The following PRKN variants were observed in gnomAD, a reference collection of about 807,000 sequenced individuals.
The protein encoded by PRKN is E3 ubiquitin-protein ligase parkin.
A neutral mutation model predicts 59.5 loss-of-function variants in PRKN; 56 were observed. The observed-to-expected ratio is 0.94, with a 90% confidence interval of 0.76 to 1.18. The LOEUF is 1.18. PRKN is among the 50% of genes most tolerant of loss of function. PRKN has a pLI of 0.00. For missense variants in PRKN, 657 were observed against 596.4 expected, an observed-to-expected ratio of 1.10 and a Z score of -1.06; for synonymous variants, 250 against 222.1, an observed-to-expected ratio of 1.13 and a Z score of -1.12.
intron 7 of PRKN, among the ~76,000 whole-genome samples, chr6:161,674,293 A>G (rs1470095774): frequency 5.3e-5 from 8 of 152,074 alleles, no homozygotes; most frequent in Admixed American, 5.2e-4. Flanking sequence ...GCTTTGCTGT[A>G]TAATTGTTTT....
intron 10 of PRKN, among the ~76,000 whole-genome samples, chr6:161,368,672 T>C (rs1385975894): frequency 7.7e-6 from 1 of 130,710 alleles, no homozygotes. Context: ...TGCCCTCCAC[T>C]TGCCTGCTTC....
intron 7 of PRKN, among the ~76,000 whole-genome samples, chr6:161,771,199 A>G (rs1278362137): frequency 6.6e-6 from 1 of 151,824 alleles, no homozygotes; most frequent in Admixed American, 6.6e-5. Context: ...TACTAAAAAT[A>G]TAAAAAATTA....
rs192663471 is a variant in PRKN at position 161,860,423 on chromosome 6, T to C, written c.735-74515A>G. Among the ~76,000 whole-genome samples the C allele has an allele frequency of 5.1e-3, 779 of 152,288 alleles. 28 individuals are homozygous for C. The highest frequency in any genetic ancestry group is 0.047 in the Admixed American group (718 of 15,290). On this transcript the variant is annotated intron_variant, in intron 6 of 11. Coordinates refer to ENST00000366898, the MANE Select transcript of PRKN (RefSeq NM_004562.3). ...AAAGGACTTGAAAAGGAAATTAATA[T>C]CCCACTTAAATCTTCTTTTTCAACA...
chr6:162,506,619 G>A (rs938870898), intron 1 of PRKN, among the ~76,000 whole-genome samples: 5 of 152,198 alleles, frequency 3.3e-5, no homozygotes, highest in African/African-American at 4.8e-5. Flanking sequence ...TTAGGAAGAG[G>A]TGGGATAAAA....
At chr6:162,718,367 C>T (rs1342105851) in intron 1 of PRKN, among the ~76,000 whole-genome samples, 1 of 152,110 alleles carries the variant, frequency 6.6e-6, no homozygotes, top group African/African-American at 2.4e-5. Context: ...ATTGTGACAA[C>T]TATGTCTTGA....
chr6:161,837,158 C>G (rs6939636), intron 6 of PRKN, among the ~76,000 whole-genome samples: 6,987 of 152,010 alleles, frequency 0.046, 214 homozygotes, highest in Middle Eastern at 0.099. Context: ...GCCTCCTCCC[C>G]CCTCATCAAT....
intron 5 of PRKN, among the ~76,000 whole-genome samples, chr6:161,988,091 C>T (rs1236171170): frequency 6.6e-6 from 1 of 152,112 alleles, no homozygotes; most frequent in African/African-American, 2.4e-5. Flanking sequence ...CAGCTCATGC[C>T]CCCACCAGGA....
intron 9 of PRKN, among the ~76,000 whole-genome samples, chr6:161,438,805 G>C (rs899840117): frequency 1.3e-5 from 2 of 152,108 alleles, no homozygotes; most frequent in African/African-American, 4.8e-5. Context: ...TTGTAAATTG[G>C]CTTAGGAAAA....
At chr6:162,663,959 T>G (rs932995646) in intron 1 of PRKN, among the ~76,000 whole-genome samples, 2 of 151,980 alleles carry the variant, frequency 1.3e-5, no homozygotes, top group Non-Finnish European at 2.9e-5. Context: ...GTGCAGAACA[T>G]GCAGGTATAC....
chr6:161,746,078 TG>T (rs1788400988), intron 7 of PRKN, among the ~76,000 whole-genome samples: 1 of 152,198 alleles, frequency 6.6e-6, no homozygotes, highest in Non-Finnish European at 1.5e-5. Flanking sequence ...GGCAGGTTTG[TG>T]GGTACAGCAC....
rs554023164 is a variant in PRKN at position 162,453,635 on chromosome 6, G to A, written c.8-10162C>T. On this transcript the variant is annotated intron_variant, in intron 1 of 11. Coordinates refer to ENST00000366898, the MANE Select transcript of PRKN (RefSeq NM_004562.3). Reference sequence around the variant, plus strand: ...TAATAGTATCTGGCCAGACACGGTGGCTCACACCTGTAATCCCAGAAGTTT... The same window carrying A: ...TAATAGTATCTGGCCAGACACGGTGACTCACACCTGTAATCCCAGAAGTTT... Among the ~76,000 whole-genome samples, 9 of 152,240 alleles carry A rather than the reference G, an allele frequency of 5.9e-5. 1 individual carries two copies. In the South Asian group the frequency reaches 1.9e-3, roughly 32 times the overall value.
chr6:161,828,506 C>G (rs1181203139), intron 6 of PRKN, among the ~76,000 whole-genome samples: 1 of 152,188 alleles, frequency 6.6e-6, no homozygotes, highest in African/African-American at 2.4e-5. Flanking sequence ...CCTCACGCCA[C>G]TGTGCTTCTG....
chr6:162,710,414 C>CACACACACACACACA (rs759309558), intron 1 of PRKN, among the ~76,000 whole-genome samples: 2 of 149,986 alleles, frequency 1.3e-5, no homozygotes, highest in African/African-American at 5.0e-5. Flanking sequence ...CACACACACA[C>CACACACACACACACA]AACTGTTTGG....
In PRKN at chr6:161,498,146, T is replaced by C. The variant is rs898752740; in HGVS notation, c.1083+50708A>G. 1.3e-4 allele frequency among the ~76,000 whole-genome samples: 20 copies of C among 152,324 alleles called. No individual in the cohort carries two copies. The highest frequency in any genetic ancestry group is 1.3e-4 in the Admixed American group (2 of 15,304). On this transcript the variant is annotated intron_variant, in intron 9 of 11. Coordinates refer to ENST00000366898, the MANE Select transcript of PRKN (RefSeq NM_004562.3). The surrounding 1 kb of genome is among the most constrained non-coding windows in gnomAD (Gnocchi z 4.2). ...CACATGTGGGAAAAAAGACAAATTA[T>C]TGTTAATCAATTTCTAACCTATACT...
At chr6:162,341,378 A>T (rs1784170624) in intron 2 of PRKN, among the ~76,000 whole-genome samples, 2 of 152,126 alleles carry the variant, frequency 1.3e-5, no homozygotes, top group South Asian at 4.2e-4. Flanking sequence ...AATCAGAAAT[A>T]CCATTTGACC....
intron 2 of PRKN, among the ~76,000 whole-genome samples, chr6:162,328,571 G>A (rs978159806): frequency 6.6e-6 from 1 of 152,170 alleles, no homozygotes; most frequent in Non-Finnish European, 1.5e-5. Flanking sequence ...AAAAGAGACC[G>A]GTAAATAAAG....
At chr6:162,521,382 T>C (rs1022475328) in intron 1 of PRKN, among the ~76,000 whole-genome samples, 1 of 152,214 alleles carries the variant, frequency 6.6e-6, no homozygotes, top group Non-Finnish European at 1.5e-5. Flanking sequence ...CATTTAAATT[T>C]AATTGTCTAT....
chr6:162,559,466 T>C (rs9347666), intron 1 of PRKN, among the ~76,000 whole-genome samples: 1 of 151,944 alleles, frequency 6.6e-6, no homozygotes, highest in Non-Finnish European at 1.5e-5. Flanking sequence ...TAGTTATCAT[T>C]TAGGTTCACC....
intron 1 of PRKN, among the ~76,000 whole-genome samples, chr6:162,460,252 G>C (rs76077091): frequency 0.095 from 14,503 of 152,218 alleles, 909 homozygotes; most frequent in Middle Eastern, 0.16. Context: ...TGTACTCAGT[G>C]AAAGAAGCCA....
Sources: allele counts gnomAD v4.1 joint callset (sites outside exome capture counted in the v4.1 genomes callset), GRCh38; gene constraint gnomAD v4.1.1; non-coding constraint Gnocchi (gnomAD v3.1); transcripts MANE v1.5; gene names NCBI Gene and HGNC (gene_info 2026-07-23, HGNC 2026-07-21).